GRIK2: variants seen among roughly 807,000 people sequenced by gnomAD.
The protein encoded by GRIK2 is glutamate ionotropic receptor kainate type subunit 2.
A neutral mutation model predicts 100.3 loss-of-function variants in GRIK2; 32 were observed. The observed-to-expected ratio is 0.32, with a 90% CI of 0.24 to 0.43. The LOEUF (loss-of-function observed/expected upper bound fraction) is 0.43, where lower values mean the gene tolerates loss of function less well. GRIK2 is among the 20% of genes least tolerant of loss of function. The pLI is 1.00. For synonymous variants in GRIK2, 417 were observed against 389.4 expected (o/e 1.07, Z -0.83); for missense variants, 843 against 1,114.9 (o/e 0.76, Z 3.47).
intron 4 of GRIK2, among the ~76,000 whole-genome samples, chr6:101,640,203 G>T (rs890324414): frequency 2.6e-5 from 4 of 152,158 alleles, no homozygotes; most frequent in Non-Finnish European, 5.9e-5. Context: ...CTATGATTCA[G>T]TAACTCTAGA....
chr6:101,464,667 C>T (rs1440489385), intron 2 of GRIK2, among the ~76,000 whole-genome samples: 1 of 151,652 alleles, frequency 6.6e-6, no homozygotes, highest in Non-Finnish European at 1.5e-5. Context: ...CAGGCACTCG[C>T]CACCATGCCT....
chr6:101,908,953 C>T (rs1244757287), intron 12 of GRIK2, among the ~76,000 whole-genome samples: 1 of 151,158 alleles, frequency 6.6e-6, no homozygotes, highest in Non-Finnish European at 1.5e-5. Context: ...AGAGATCACA[C>T]AGTCAAAGGT....
chr6:101,676,663 G>A lies in GRIK2; in HGVS notation c.582G>A (p.Arg194=), dbSNP rs1422560560. 2 of 1,602,202 alleles carry A rather than the reference G, an allele frequency of 1.2e-6. No individual in the cohort carries two copies. Among genetic ancestry groups the A allele is most frequent in the Admixed American group, 1.7e-5 (1 of 58,962 alleles). ...RLQELIKAPS[R]YNLRLKIRQL... ...AAGAGCTCATCAAAGCTCCATCAAG[G>A]TATAATCTTCGACTCAAAATTCGTC... The change falls in exon 5 of 17, where the codon AGG becomes AGA. Residue 194 remains arginine, a synonymous_variant. Transcript: ENST00000369134.
At chr6:101,485,769 C>A (rs897085849) in intron 2 of GRIK2, among the ~76,000 whole-genome samples, 1 of 151,988 alleles carries the variant, frequency 6.6e-6, no homozygotes, top group Admixed American at 6.6e-5. Context: ...ACAATTATAG[C>A]AACATTTCTG....
At chr6:101,596,576 G>A (rs991542383) in intron 2 of GRIK2, among the ~76,000 whole-genome samples, 6 of 151,598 alleles carry the variant, frequency 4.0e-5, no homozygotes, top group African/African-American at 1.5e-4. Flanking sequence ...TTTATAATTT[G>A]GTGTCTATGG....
At chr6:101,665,331 G>A (rs1478202650) in intron 4 of GRIK2, among the ~76,000 whole-genome samples, 1 of 152,076 alleles carries the variant, frequency 6.6e-6, no homozygotes, top group African/African-American at 2.4e-5. Flanking sequence ...TCTCCATGCT[G>A]TTTACTATAC....
chr6:101,727,985 A>AATGACT (rs1774992801), intron 7 of GRIK2, among the ~76,000 whole-genome samples: 1 of 152,080 alleles, frequency 6.6e-6, no homozygotes, highest in Non-Finnish European at 1.5e-5. Flanking sequence ...CTAATTAAGG[A>AATGACT]ATGACTCATG....
chr6:102,021,653 T>C (rs1201181835), intron 14 of GRIK2, among the ~76,000 whole-genome samples: 2 of 151,640 alleles, frequency 1.3e-5, no homozygotes, highest in Non-Finnish European at 3.0e-5. Flanking sequence ...GACTCGTATA[T>C]TATATTCAGT....
chr6:101,471,235 A>G (rs923950688), intron 2 of GRIK2, among the ~76,000 whole-genome samples: 6 of 152,076 alleles, frequency 3.9e-5, no homozygotes, highest in African/African-American at 1.4e-4. Flanking sequence ...TTTATTTAGT[A>G]GCCCTATCTA....
At chr6:101,962,329 C>T (rs1792356696) in intron 14 of GRIK2, among the ~76,000 whole-genome samples, 1 of 23,796 alleles carries the variant, frequency 4.2e-5, no homozygotes, top group African/African-American at 2.3e-4. Flanking sequence ...TCTAGTCAGC[C>T]ATCTTGAAAA....
intron 7 of GRIK2, among the ~76,000 whole-genome samples, chr6:101,795,028 C>A (rs1428538861): frequency 2.6e-5 from 4 of 151,880 alleles, no homozygotes; most frequent in Non-Finnish European, 4.4e-5. Context: ...TACCATGACC[C>A]ACTAACTTTT....
intron 11 of GRIK2, among the ~76,000 whole-genome samples, chr6:101,869,064 T>A (rs541110331): frequency 6.6e-6 from 1 of 151,952 alleles, no homozygotes; most frequent in East Asian, 1.9e-4. Context: ...ATGAAAAAAA[T>A]GACAGATGCT....
intron 11 of GRIK2, among the ~76,000 whole-genome samples, chr6:101,863,362 G>A (rs911515776): frequency 6.6e-6 from 1 of 152,096 alleles, no homozygotes; most frequent in African/African-American, 2.4e-5. Flanking sequence ...ACAGTCCTCA[G>A]TTCTTTCCTC....
intron 2 of GRIK2, among the ~76,000 whole-genome samples, chr6:101,443,138 G>A (rs530863751): frequency 1.8e-4 from 28 of 152,022 alleles, no homozygotes; most frequent in Non-Finnish European, 3.7e-4. Flanking sequence ...TTCAAAGTAC[G>A]AAAGGGGTCT....
At chr6:101,519,160 T>G (rs1449447191) in intron 2 of GRIK2, among the ~76,000 whole-genome samples, 1 of 152,070 alleles carries the variant, frequency 6.6e-6, no homozygotes, top group Admixed American at 6.6e-5. Flanking sequence ...TTACTACAAT[T>G]TCGGGTATAC....
At chr6:101,724,402 G>A (rs536210062) in intron 7 of GRIK2, among the ~76,000 whole-genome samples, 2 of 151,738 alleles carry the variant, frequency 1.3e-5, no homozygotes, top group African/African-American at 2.4e-5. Context: ...ATGCCCACGT[G>A]TACCCAATGC....
At chr6:101,651,936 A>C (rs1175074293) in intron 4 of GRIK2, among the ~76,000 whole-genome samples, 7 of 152,130 alleles carry the variant, frequency 4.6e-5, no homozygotes, top group Non-Finnish European at 1.0e-4. Flanking sequence ...TCTCTAAGAT[A>C]AGAAGAAAAC....
At chr6:101,497,486 T>G (rs1181181600) in intron 2 of GRIK2, among the ~76,000 whole-genome samples, 1 of 152,122 alleles carries the variant, frequency 6.6e-6, no homozygotes. Context: ...TATTGAGTTT[T>G]GTGGAAATAT....
At chr6:101,514,168 T>G (rs989101871) in intron 2 of GRIK2, among the ~76,000 whole-genome samples, 1 of 152,136 alleles carries the variant, frequency 6.6e-6, no homozygotes, top group African/African-American at 2.4e-5. Context: ...CAAATAGTGC[T>G]GAAACAACTG....
Sources: allele counts gnomAD v4.1 joint callset (sites outside exome capture counted in the v4.1 genomes callset), GRCh38; gene constraint gnomAD v4.1.1; transcripts MANE v1.5; gene names NCBI Gene and HGNC (gene_info 2026-07-23, HGNC 2026-07-21).